Variants in CSNK1G1 observed in about 807,000 individuals in gnomAD.
CSNK1G1 encodes the protein casein kinase I isoform gamma-1.
CSNK1G1 carries 22 observed loss-of-function variants against 59.6 expected under a neutral mutation model. That is an observed-to-expected ratio of 0.37 (90% confidence interval 0.26 to 0.53). The LOEUF (loss-of-function observed/expected upper bound fraction) is 0.53. Ranked by LOEUF, CSNK1G1 falls within the 20% of genes least tolerant of loss-of-function variation. The pLI, the probability that CSNK1G1 is intolerant of heterozygous loss-of-function variation, is 0.89. For missense variants in CSNK1G1, 384 were observed against 519.5 expected, an observed-to-expected ratio of 0.74 and a Z score of 2.54; for synonymous variants, 179 against 177.1, an observed-to-expected ratio of 1.01 and a Z score of -0.08.
At chr15:64,333,247 G>A (rs1367302364) in intron 1 of CSNK1G1, among the ~76,000 whole-genome samples, 3 of 92,392 alleles carry the variant, frequency 3.2e-5, no homozygotes, top group African/African-American at 1.3e-4. Context: ...ACAAGAGTGA[G>A]ACTCCATCTC....
In CSNK1G1 at chr15:64,339,505, G is replaced by A. The variant is rs75123160; in HGVS notation, c.-225+16483C>T. Among the ~76,000 whole-genome samples, 437 of 152,162 alleles carry A rather than the reference G, an allele frequency of 2.9e-3. 4 individuals carry two copies. The highest frequency in any genetic ancestry group is 1.0e-2 in the African/African-American group (414 of 41,518). On this transcript the variant is annotated intron_variant, in intron 1 of 11. Coordinates refer to ENST00000303052, the MANE Select transcript of CSNK1G1 (RefSeq NM_022048.5). ...TTTCTGTATTTTTAGTAGAGACAGGGATTCGCCATGTTGGCCCAGCTGGTC... is the reference window on the plus strand; with the variant it reads ...TTTCTGTATTTTTAGTAGAGACAGGAATTCGCCATGTTGGCCCAGCTGGTC...
At chr15:64,279,862 C>T (rs1245673348) in intron 2 of CSNK1G1, among the ~76,000 whole-genome samples, 1 of 151,726 alleles carries the variant, frequency 6.6e-6, no homozygotes, top group African/African-American at 2.4e-5. Context: ...GTCCCAGCTA[C>T]TCGGGAGGCT....
intron 2 of CSNK1G1, among the ~76,000 whole-genome samples, chr15:64,261,194 G>A (rs758820150): frequency 2.4e-4 from 36 of 152,302 alleles, no homozygotes; most frequent in South Asian, 4.1e-4. Flanking sequence ...TTCCCAGGCC[G>A]ATTAAAACTT....
At chr15:64,212,549 T>C (rs1238471375) in intron 6 of CSNK1G1, among the ~76,000 whole-genome samples, 1 of 152,050 alleles carries the variant, frequency 6.6e-6, no homozygotes, top group Non-Finnish European at 1.5e-5. Context: ...ACTCTATCTC[T>C]ATAAAAAAAT....
chr15:64,345,798 CTT>C (rs1008379254), intron 1 of CSNK1G1, among the ~76,000 whole-genome samples: 7 of 151,928 alleles, frequency 4.6e-5, no homozygotes, highest in Non-Finnish European at 1.0e-4. Flanking sequence ...GAAAAAAAAA[CTT>C]ATTTTTTTTT....
intron 2 of CSNK1G1, among the ~76,000 whole-genome samples, chr15:64,280,164 A>T (rs565137535): frequency 1.8e-4 from 27 of 152,228 alleles, no homozygotes; most frequent in African/African-American, 6.5e-4. Context: ...ATACGCGCGC[A>T]CACACACACA....
chr15:64,267,605 A>G (rs1221721297), intron 2 of CSNK1G1, among the ~76,000 whole-genome samples: 1 of 152,194 alleles, frequency 6.6e-6, no homozygotes, highest in East Asian at 1.9e-4. Flanking sequence ...CGAAACCACA[A>G]TGAGAAACCA....
intron 4 of CSNK1G1, among the ~76,000 whole-genome samples, chr15:64,219,734 C>T (rs1273443683): frequency 6.6e-6 from 1 of 151,884 alleles, no homozygotes; most frequent in Non-Finnish European, 1.5e-5. Flanking sequence ...GCTAAGATTA[C>T]AGGGATGCCT....
chr15:64,195,329 C>G (rs2082024938), intron 10 of CSNK1G1, among the ~76,000 whole-genome samples: 1 of 152,030 alleles, frequency 6.6e-6, no homozygotes, highest in African/African-American at 2.4e-5. Context: ...ACTAAGTAGC[C>G]CTTCTTTTTC....
chr15:64,229,415 T>C (rs1284940481), intron 4 of CSNK1G1, among the ~76,000 whole-genome samples: 1 of 152,216 alleles, frequency 6.6e-6, no homozygotes, highest in Non-Finnish European at 1.5e-5. Flanking sequence ...TCTGCCTGCC[T>C]GGGAAAACTG....
intron 1 of CSNK1G1, among the ~76,000 whole-genome samples, chr15:64,310,166 T>C (rs1347122226): frequency 2.0e-5 from 3 of 152,088 alleles, no homozygotes; most frequent in Non-Finnish European, 4.4e-5. Flanking sequence ...AGTATTCTTA[T>C]CTGGGTGCTT....
chr15:64,287,122 A>G (rs1894470564), intron 2 of CSNK1G1, among the ~76,000 whole-genome samples: 1 of 152,190 alleles, frequency 6.6e-6, no homozygotes, highest in Admixed American at 6.5e-5. Flanking sequence ...TACATGGCAT[A>G]TAATAGAAAT....
chr15:64,237,797 G>A (rs2082635503), intron 4 of CSNK1G1, among the ~76,000 whole-genome samples: 1 of 152,236 alleles, frequency 6.6e-6, no homozygotes, highest in African/African-American at 2.4e-5. Flanking sequence ...AAGCTCTTTT[G>A]TGGTACCAAC....
In CSNK1G1 at chr15:64,352,447, CT is replaced by C. The variant is rs1165768581; in HGVS notation, c.-225+3540del. The stretch of plus-strand genomic sequence containing the variant: ...ATCACAAAACATAATTTGAATTCTT[CT>C]TTTTTTTTTTTTTTTTTTGAGATGG... On this transcript the variant is annotated intron_variant, in intron 1 of 11. Coordinates refer to ENST00000303052, the MANE Select transcript of CSNK1G1 (RefSeq NM_022048.5). Among the ~76,000 whole-genome samples the C allele has an allele frequency of 1.6e-4, 14 of 89,430 alleles. No individual in the cohort carries two copies. The South Asian group carries it at 2.5e-3, about 16-fold the overall frequency. The allele number at this position is 89,430 out of a possible 152,430, so 58.7% of individuals were successfully genotyped here.
intron 1 of CSNK1G1, among the ~76,000 whole-genome samples, chr15:64,326,598 C>T (rs1473598931): frequency 6.6e-6 from 1 of 151,620 alleles, no homozygotes; most frequent in Non-Finnish European, 1.5e-5. Context: ...GAGCTGAGAT[C>T]ACGCCATTGC....
At chr15:64,259,074 A>C in intron 3 of CSNK1G1, 127 bp downstream of exon 3, 1 of 676,314 alleles carries the variant, frequency 1.5e-6, no homozygotes, top group Non-Finnish European at 2.5e-6. Context: ...AAAATGTGGG[A>C]TCATACACAA....
rs2082088765 is a variant in CSNK1G1, at chr15:64,200,089, A to G, written c.1107+2993T>C. On this transcript the variant is annotated intron_variant, in intron 10 of 11. Transcript: ENST00000303052. This position sits in a 1 kb window ranked among gnomAD's most constrained non-coding sequence, Gnocchi z 4.3. Reference sequence around the variant, plus strand: ...GTGAAACCCCATCTCCACTAAACATACAAAAATTAGCCCGGTGTGGTGGCA... The same window carrying G: ...GTGAAACCCCATCTCCACTAAACATGCAAAAATTAGCCCGGTGTGGTGGCA... Among the ~76,000 whole-genome samples, 1 of 151,110 alleles carries G rather than the reference A, an allele frequency of 6.6e-6. No homozygotes were observed. Among genetic ancestry groups the G allele is most frequent in the Admixed American group, 6.6e-5 (1 of 15,186 alleles).
In CSNK1G1 at chr15:64,170,969, G is replaced by A. The variant is rs2081657098; in HGVS notation, c.*962C>T. 6.6e-6 allele frequency: 1 copy of A among 152,488 alleles called. No homozygotes were observed. Among genetic ancestry groups the A allele is most frequent in the East Asian group, 1.9e-4 (1 of 5,184 alleles). The allele number at this position is 152,488 out of a possible 1,614,324, so 9.4% of individuals were successfully genotyped here. On this transcript the variant is annotated 3_prime_UTR_variant, in exon 12 of 12. Coordinates refer to ENST00000303052, the MANE Select transcript of CSNK1G1 (RefSeq NM_022048.5). ...AGTATGTTTTCTTGCCAACCTGAGTGTTCACTCAGAATGACACCGAGTTTG... is the reference window on the plus strand; with the variant it reads ...AGTATGTTTTCTTGCCAACCTGAGTATTCACTCAGAATGACACCGAGTTTG...
intron 1 of CSNK1G1, among the ~76,000 whole-genome samples, chr15:64,347,490 C>A (rs1325617697): frequency 6.6e-6 from 1 of 151,366 alleles, no homozygotes; most frequent in African/African-American, 2.4e-5. Flanking sequence ...CTGGCTTGCA[C>A]CTGTAGTCCA....
Sources: allele counts gnomAD v4.1 joint callset (sites outside exome capture counted in the v4.1 genomes callset), GRCh38; gene constraint gnomAD v4.1.1; non-coding constraint Gnocchi (gnomAD v3.1); transcripts MANE v1.5; gene names NCBI Gene and HGNC (gene_info 2026-07-23, HGNC 2026-07-21).